Variants in FOSL2 observed in about 807,000 individuals in gnomAD.
FOSL2 encodes fos-related antigen 2.
Under a neutral mutation model 27.7 loss-of-function variants are expected in FOSL2, and 3 were observed. That is an observed-to-expected ratio of 0.11 (90% CI 0.05 to 0.28). The LOEUF is 0.28. FOSL2 is among the 10% of genes least tolerant of loss of function. FOSL2 has a pLI of 1.00. For missense variants in FOSL2, 333 were observed against 445.1 expected (o/e 0.75, Z 2.27); for synonymous variants, 179 against 190.1 (o/e 0.94, Z 0.48).
chr2:28,410,435 A>AAC, intron 3 of FOSL2: 2 of 198,384 alleles, frequency 1.0e-5, no homozygotes, highest in Non-Finnish European at 1.6e-5. Flanking sequence ...CCGCCCTCTG[A>AAC]CCCAGCCACC....
intron 2 of FOSL2, among the ~76,000 whole-genome samples, chr2:28,407,371 G>A (rs1664105439): frequency 6.6e-6 from 1 of 152,228 alleles, no homozygotes; most frequent in South Asian, 2.1e-4. Flanking sequence ...GCCGGGCTGT[G>A]GACTTCCCTC....
intron 1 of FOSL2, among the ~76,000 whole-genome samples, chr2:28,396,246 A>G (rs1434637573): frequency 6.7e-6 from 1 of 150,352 alleles, no homozygotes; most frequent in African/African-American, 2.5e-5. Flanking sequence ...TAGCTTCATG[A>G]AGCTGGATCT....
chr2:28,392,940 AAGAG>A lies in FOSL2; in HGVS notation c.-780_-777del. ...ACGAGCGGCGCTCGGCGGGGACAGA[AAGAG>A]GGAGAGAGAGAGAGAGAGAGAGGGA... On this transcript the variant is annotated 5_prime_UTR_variant, in exon 1 of 4. Transcript: ENST00000264716. 1 of 689,140 alleles carries A rather than the reference AAGAG, an allele frequency of 1.5e-6. No homozygotes were observed. Among genetic ancestry groups the A allele is most frequent in the Non-Finnish European group, 2.7e-6 (1 of 368,376 alleles). 42.7% of individuals were successfully genotyped at this position (689,140 alleles called of 1,614,324 possible).
chr2:28,411,787 G>C, intron 3 of FOSL2, 143 bp from the exon 4 acceptor site: 1 of 793,146 alleles, frequency 1.3e-6, no homozygotes, highest in African/African-American at 1.7e-5. Context: ...AGGTGACTGA[G>C]AGACTCAGAC....
chr2:28,393,659 G>C lies in FOSL2; in HGVS notation c.-62G>C. The C allele has an allele frequency of 1.5e-6, 2 of 1,292,208 alleles. No homozygotes were observed. The highest frequency in any genetic ancestry group is 1.3e-5 in the South Asian group (1 of 78,054). 80.0% of individuals were successfully genotyped at this position (1,292,208 alleles called of 1,614,324 possible). A position where few individuals can be genotyped will look rare whatever the true frequency, so the allele number is the denominator to read the frequency against. On this transcript the variant is annotated 5_prime_UTR_variant, in exon 1 of 4. Transcript: ENST00000264716. This position sits in a 1 kb window ranked among gnomAD's most constrained non-coding sequence, Gnocchi z 4.6. ...AACGAGCGCGCAGCAGCCGGTGCGC[G>C]GCCGCGGCGAGGGCGGGGGAAGAAA...
At chr2:28,411,143 CTG>C (rs1337085109) in intron 3 of FOSL2, among the ~76,000 whole-genome samples, 1 of 147,946 alleles carries the variant, frequency 6.8e-6, no homozygotes. Context: ...GAGTGAGACT[CTG>C]TCTCAAAAAA....
chr2:28,411,759 A>G, intron 3 of FOSL2, 171 bp from the exon 4 acceptor site: 1 of 660,524 alleles, frequency 1.5e-6, no homozygotes, highest in Non-Finnish European at 2.6e-6. Context: ...TTGGAAATGA[A>G]AGGAATCTTG....
At position 28,404,904 on chromosome 2, in the gene FOSL2, A is replaced by C. The variant is rs960323548; in HGVS notation, c.354+546A>C. 6.6e-6 allele frequency among the ~76,000 whole-genome samples: 1 copy of C among 152,166 alleles called. No individual in the cohort carries two copies. Among genetic ancestry groups the C allele is most frequent in the Admixed American group, 6.5e-5 (1 of 15,288 alleles). The stretch of plus-strand genomic sequence containing the variant: ...CAGGAGCCTATTTCAAGGGCCTGGA[A>C]TGCATGTTCCAGAGGTGCAGTAACT... On this transcript the variant is annotated intron_variant, in intron 2 of 3. Transcript: ENST00000264716. The surrounding 1 kb of genome is among the most constrained non-coding windows in gnomAD (Gnocchi z 4.7).
intron 1 of FOSL2, among the ~76,000 whole-genome samples, chr2:28,401,918 C>G (rs1027070110): frequency 6.6e-6 from 1 of 152,178 alleles, no homozygotes; most frequent in Non-Finnish European, 1.5e-5. Context: ...ACCCATTGCT[C>G]TAGGCAGCTC....
At chr2:28,401,942 C>G (rs1663981611) in intron 1 of FOSL2, among the ~76,000 whole-genome samples, 1 of 152,138 alleles carries the variant, frequency 6.6e-6, no homozygotes, top group South Asian at 2.1e-4. Context: ...TCCTGAATCT[C>G]AGAATGATGC....
chr2:28,397,670 T>C (rs1035172961), intron 1 of FOSL2, among the ~76,000 whole-genome samples: 2 of 152,250 alleles, frequency 1.3e-5, no homozygotes, highest in Non-Finnish European at 1.5e-5. Flanking sequence ...TTTTCTTCTC[T>C]ATCTTAATAC....
chr2:28,393,615 G>A lies in FOSL2; in HGVS notation c.-106G>A, dbSNP rs896034277. ...AACCCAGGAGCGAAGCCCAGAGCCC[G>A]CGGCGCGGCCGGCGGACGAACGAGC... On this transcript the variant is annotated 5_prime_UTR_variant, in exon 1 of 4. Coordinates refer to ENST00000264716, the MANE Select transcript of FOSL2 (RefSeq NM_005253.4). The surrounding 1 kb of genome is among the most constrained non-coding windows in gnomAD (Gnocchi z 4.6). 2 of 803,970 alleles carry A rather than the reference G, an allele frequency of 2.5e-6. No homozygotes were observed. Among genetic ancestry groups the A allele is most frequent in the Admixed American group, 2.7e-5 (1 of 37,272 alleles). The allele number at this position is 803,970 out of a possible 1,614,324, so 49.8% of individuals were successfully genotyped here.
chr2:28,401,399 T>C (rs1320556213), intron 1 of FOSL2, among the ~76,000 whole-genome samples: 1 of 152,176 alleles, frequency 6.6e-6, no homozygotes, highest in Non-Finnish European at 1.5e-5. Context: ...AGCCTGTGAT[T>C]ACAAGTAGCT....
chr2:28,398,304 C>T (rs1419067523), intron 1 of FOSL2, among the ~76,000 whole-genome samples: 1 of 152,232 alleles, frequency 6.6e-6, no homozygotes, highest in East Asian at 1.9e-4. Context: ...ATCCCTTCTC[C>T]ACTCCCTGGG....
At position 28,414,686 on chromosome 2, in the gene FOSL2, A is replaced by G. The variant is rs1225114668; in HGVS notation, c.*2238A>G. 1.3e-5 allele frequency: 2 copies of G among 152,152 alleles called. No homozygotes were observed. Among genetic ancestry groups the G allele is most frequent in the East Asian group, 1.9e-4 (1 of 5,182 alleles). The allele number at this position is 152,152 out of a possible 1,614,324, so 9.4% of individuals were successfully genotyped here. On this transcript the variant is annotated 3_prime_UTR_variant, in exon 4 of 4. Coordinates refer to ENST00000264716, the MANE Select transcript of FOSL2 (RefSeq NM_005253.4). ...GTCTTTTATTTCTAAAAGCCCCCTT[A>G]TACCCCACTTTGTGCAGCAAAGATC...
rs1663715135 is a variant in FOSL2, at chr2:28,393,267, C to T, written c.-454C>T. 9.5e-6 allele frequency: 2 copies of T among 209,848 alleles called. No individual in the cohort carries two copies. Among genetic ancestry groups the T allele is most frequent in the Admixed American group, 1.2e-4 (2 of 16,436 alleles). 13.0% of individuals were successfully genotyped at this position (209,848 alleles called of 1,614,324 possible). A position where few individuals can be genotyped will look rare whatever the true frequency, so the allele number is the denominator to read the frequency against. On this transcript the variant is annotated 5_prime_UTR_variant, in exon 1 of 4. Transcript: ENST00000264716. This position sits in a 1 kb window ranked among gnomAD's most constrained non-coding sequence, Gnocchi z 4.6. ...AAGTTTCTCCCAGCGGACAGCTTTT[C>T]TTTCCGCCTTTTTGGCCCTGTCTGA...
At position 28,408,768 on chromosome 2, in the gene FOSL2, G is replaced by A; in HGVS notation, c.364G>A (p.Glu122Lys). ...TGGCTTTGGCCTCTAGCTGTCTCCTGAAGAGGAGGAGAAGCGTCGCATCCG... is the reference window on the plus strand; with the variant it reads ...TGGCTTTGGCCTCTAGCTGTCTCCTAAAGAGGAGGAGAAGCGTCGCATCCG... Reference protein sequence around the residue: ...RRRRDEQLSPEEEEKRRIRRE... With the variant: ...RRRRDEQLSPKEEEKRRIRRE... The change falls in exon 3 of 4, where the codon GAA becomes AAA. Residue 122 changes from glutamate (E) to lysine (K), a missense_variant. This residue lies in a region of FOSL2 where 40 missense variants were observed against 104.2 expected (regional missense o/e 0.38). Transcript: ENST00000264716. The surrounding 1 kb of genome is among the most constrained non-coding windows in gnomAD (Gnocchi z 4.1). 6.2e-7 allele frequency: 1 copy of A among 1,610,244 alleles called. No individual in the cohort carries two copies. The highest frequency in any genetic ancestry group is 8.5e-7 in the Non-Finnish European group (1 of 1,177,870).
At position 28,413,948 on chromosome 2, in the gene FOSL2, G is replaced by T. The variant is rs1439715212; in HGVS notation, c.*1500G>T. 3 of 397,412 alleles carry T rather than the reference G, an allele frequency of 7.5e-6. No homozygotes were observed. Among genetic ancestry groups the T allele is most frequent in the Admixed American group, 4.4e-5 (1 of 22,702 alleles). 24.6% of individuals were successfully genotyped at this position (397,412 alleles called of 1,614,324 possible). ...ACGGGGTTGGGGAAGGGTCCCCCTG[G>T]CCTCCAGCAGGAGCACAGCTCAGCA... On this transcript the variant is annotated 3_prime_UTR_variant, in exon 4 of 4. Coordinates refer to ENST00000264716, the MANE Select transcript of FOSL2 (RefSeq NM_005253.4).
Position 28,412,749 on chromosome 2 carries a change from G to T in FOSL2, c.*301G>T. The T allele has an allele frequency of 2.4e-6, 1 of 413,176 alleles. No individual in the cohort carries two copies. The highest frequency in any genetic ancestry group is 4.5e-6 in the Non-Finnish European group (1 of 223,858). The allele number at this position is 413,176 out of a possible 1,614,324, so 25.6% of individuals were successfully genotyped here. Reference sequence around the variant, plus strand: ...CATCTCTCTGGCTTCTGAAGAGCCTGAAGCTGGCCTGGACCATTCCTGTCC... The same window carrying T: ...CATCTCTCTGGCTTCTGAAGAGCCTTAAGCTGGCCTGGACCATTCCTGTCC... On this transcript the variant is annotated 3_prime_UTR_variant, in exon 4 of 4. Coordinates refer to ENST00000264716, the MANE Select transcript of FOSL2 (RefSeq NM_005253.4). The surrounding 1 kb of genome is among the most constrained non-coding windows in gnomAD (Gnocchi z 7.1).
Sources: gnomAD v4.1 joint callset for allele counts (sites outside exome capture counted in the v4.1 genomes callset) on GRCh38, gnomAD v4.1.1 for gene constraint, gnomAD v4.1.1 regional missense constraint, Gnocchi (gnomAD v3.1) non-coding constraint, MANE v1.5 for transcripts, NCBI Gene and HGNC (gene_info 2026-07-23, HGNC 2026-07-21) for gene names.